Variants in TMEM132D observed in about 807,000 individuals in gnomAD.
The protein encoded by TMEM132D is transmembrane protein 132D.
TMEM132D carries 21 observed loss-of-function variants against 62.3 expected under a neutral mutation model. That is an observed-to-expected ratio of 0.34 (90% CI 0.24 to 0.49). The LOEUF is 0.49. Among genes scored for constraint, TMEM132D ranks in the 20% least tolerant of loss-of-function variants. TMEM132D has a pLI of 0.99. For synonymous variants in TMEM132D, 621 were observed against 575.6 expected (o/e 1.08, Z -1.13); for missense variants, 1,346 against 1,402.8 (o/e 0.96, Z 0.65).
At chr12:129,818,371 T>C (rs1308668736) in intron 1 of TMEM132D, among the ~76,000 whole-genome samples, 3 of 146,924 alleles carry the variant, frequency 2.0e-5, no homozygotes, top group Non-Finnish European at 3.0e-5. Flanking sequence ...TGTGTGTGTA[T>C]GTGTGTGAGG....
At chr12:129,583,587 C>T (rs1270144973) in intron 2 of TMEM132D, among the ~76,000 whole-genome samples, 1 of 152,174 alleles carries the variant, frequency 6.6e-6, no homozygotes, top group Admixed American at 6.5e-5. Context: ...AACACACATG[C>T]TTCCACAGAG....
intron 3 of TMEM132D, among the ~76,000 whole-genome samples, chr12:129,402,575 T>C (rs1871654670): frequency 6.6e-6 from 1 of 152,180 alleles, no homozygotes; most frequent in African/African-American, 2.4e-5. Flanking sequence ...CCATTTCTTT[T>C]TCTTTCTTGT....
At chr12:129,847,976 C>T (rs969575749) in intron 1 of TMEM132D, among the ~76,000 whole-genome samples, 2 of 152,012 alleles carry the variant, frequency 1.3e-5, no homozygotes, top group East Asian at 1.9e-4. Context: ...CTGAGCTCAT[C>T]GGCTCCAAGA....
At chr12:129,894,630 TA>T (rs1339829452) in intron 1 of TMEM132D, among the ~76,000 whole-genome samples, 4 of 152,220 alleles carry the variant, frequency 2.6e-5, no homozygotes. Flanking sequence ...TCCATAATGA[TA>T]AAACTATGAT....
chr12:129,394,898 T>C (rs1037894790), intron 3 of TMEM132D, among the ~76,000 whole-genome samples: 7 of 152,166 alleles, frequency 4.6e-5, no homozygotes, highest in African/African-American at 1.4e-4. Context: ...TGAAACGGAA[T>C]TGTGGCAATA....
intron 3 of TMEM132D, among the ~76,000 whole-genome samples, chr12:129,500,518 G>A (rs1385093059): frequency 6.6e-6 from 1 of 152,022 alleles, no homozygotes; most frequent in Non-Finnish European, 1.5e-5. Context: ...CTCTACCCTT[G>A]GCTGCTACCA....
chr12:129,760,557 A>C (rs1215561233), intron 1 of TMEM132D, among the ~76,000 whole-genome samples: 1 of 149,926 alleles, frequency 6.7e-6, no homozygotes, highest in African/African-American at 2.4e-5. Flanking sequence ...CCTGTTAGCC[A>C]GGATAGTCTC....
intron 3 of TMEM132D, among the ~76,000 whole-genome samples, chr12:129,494,229 T>C (rs1874883331): frequency 6.6e-6 from 1 of 152,218 alleles, no homozygotes; most frequent in Non-Finnish European, 1.5e-5. Context: ...CTCTTGTGCC[T>C]CTGTGTGGAA....
chr12:129,209,488 GT>G, intron 5 of TMEM132D, 31 bp downstream of exon 5: 1 of 1,611,804 alleles, frequency 6.2e-7, no homozygotes, highest in South Asian at 1.1e-5. Context: ...ATGACAGCAG[GT>G]TTCTGCAGGG....
chr12:129,810,272 T>G lies in TMEM132D; in HGVS notation c.79+92989A>C, dbSNP rs1318722360. On this transcript the variant is annotated intron_variant, in intron 1 of 8. Coordinates refer to ENST00000422113, the MANE Select transcript of TMEM132D (RefSeq NM_133448.3). ...TTTGGAAGATTAAAAAAATCATTATTTTCAGATGAAATGATTGTCCATATA... is the reference window on the plus strand; with the variant it reads ...TTTGGAAGATTAAAAAAATCATTATGTTCAGATGAAATGATTGTCCATATA... 2.0e-5 allele frequency among the ~76,000 whole-genome samples: 3 copies of G among 152,312 alleles called. No individual in the cohort carries two copies. The East Asian group carries it at 5.8e-4, about 29-fold the overall frequency.
chr12:129,205,293 T>C (rs1308235800), intron 5 of TMEM132D, among the ~76,000 whole-genome samples: 3 of 151,072 alleles, frequency 2.0e-5, no homozygotes, highest in African/African-American at 4.9e-5. Flanking sequence ...GTGACATCCA[T>C]TGGCTCAAAA....
intron 1 of TMEM132D, among the ~76,000 whole-genome samples, chr12:129,717,530 C>A (rs1479909088): frequency 1.3e-5 from 2 of 148,576 alleles, no homozygotes; most frequent in Non-Finnish European, 3.0e-5. Context: ...TTAATAAAAT[C>A]ATATTTTGAT....
intron 4 of TMEM132D, among the ~76,000 whole-genome samples, chr12:129,246,095 G>A (rs10773624): frequency 0.42 from 63,185 of 151,550 alleles, 14,035 homozygotes; most frequent in Middle Eastern, 0.52. Flanking sequence ...AGCATTTGAA[G>A]TTTTCCTATC....
At chr12:129,110,205 G>C (rs1192270319) in intron 5 of TMEM132D, 4 of 152,282 alleles carry the variant, frequency 2.6e-5, no homozygotes, top group Admixed American at 2.6e-4. Flanking sequence ...CACAACTGCA[G>C]TCCTCAATTA....
At chr12:129,666,273 C>A (rs1008582297) in intron 2 of TMEM132D, among the ~76,000 whole-genome samples, 4 of 152,172 alleles carry the variant, frequency 2.6e-5, no homozygotes, top group East Asian at 1.9e-4. Context: ...AAAAATCTTA[C>A]AATTGCTGAA....
At chr12:129,591,233 C>G (rs1307442674) in intron 2 of TMEM132D, among the ~76,000 whole-genome samples, 2 of 152,300 alleles carry the variant, frequency 1.3e-5, no homozygotes, top group African/African-American at 4.8e-5. Flanking sequence ...ATATCCTCAT[C>G]ATGGCTTCCA....
chr12:129,608,157 C>G (rs1166251494), intron 2 of TMEM132D, among the ~76,000 whole-genome samples: 1 of 152,102 alleles, frequency 6.6e-6, no homozygotes, highest in Non-Finnish European at 1.5e-5. Flanking sequence ...TTTTATCTAC[C>G]CCTCTTCATC....
chr12:129,794,111 T>C (rs942199332), intron 1 of TMEM132D, among the ~76,000 whole-genome samples: 1 of 150,746 alleles, frequency 6.6e-6, no homozygotes, highest in Admixed American at 6.6e-5. Flanking sequence ...TTTTTTGAGA[T>C]GGAATCTTGC....
chr12:129,631,975 C>G (rs960931020), intron 2 of TMEM132D, among the ~76,000 whole-genome samples: 1 of 152,044 alleles, frequency 6.6e-6, no homozygotes, highest in African/African-American at 2.4e-5. Flanking sequence ...AGGACCTATT[C>G]CAAGGAATAA....
Sources: gnomAD v4.1 joint callset for allele counts (sites outside exome capture counted in the v4.1 genomes callset) on GRCh38, gnomAD v4.1.1 for gene constraint, MANE v1.5 for transcripts, NCBI Gene and HGNC (gene_info 2026-07-23, HGNC 2026-07-21) for gene names.